Variants in NRXN1 observed in about 807,000 individuals in gnomAD.
NRXN1 encodes the protein neurexin-1.
A neutral mutation model predicts 150.9 loss-of-function variants in NRXN1; 39 were observed. That is an observed-to-expected ratio of 0.26 (90% CI 0.20 to 0.34). The LOEUF (loss-of-function observed/expected upper bound fraction) is 0.34. Ranked by LOEUF, NRXN1 falls within the 10% of genes least tolerant of loss-of-function variation. The probability of loss-of-function intolerance (pLI) is 1.00; values close to 1 mark genes in which losing one functional copy is unlikely to be tolerated. For synonymous variants in NRXN1, 924 were observed against 757.0 expected (o/e 1.22, Z -3.62); for missense variants, 1,815 against 1,949.9 (o/e 0.93, Z 1.30).
At chr2:50,138,981 G>A (rs1397353048) in intron 18 of NRXN1, among the ~76,000 whole-genome samples, 5 of 152,270 alleles carry the variant, frequency 3.3e-5, no homozygotes, top group Middle Eastern at 3.4e-3. Flanking sequence ...AAAGGTAAAG[G>A]TTTATTTTGT....
intron 5 of NRXN1, among the ~76,000 whole-genome samples, chr2:50,877,627 C>G (rs557942383): frequency 3.9e-5 from 6 of 151,902 alleles, no homozygotes; most frequent in Non-Finnish European, 8.8e-5. Flanking sequence ...CCTGCTAAAT[C>G]TGAAGGTTTC....
At chr2:50,675,614 T>C (rs1479681471) in intron 5 of NRXN1, among the ~76,000 whole-genome samples, 2 of 152,158 alleles carry the variant, frequency 1.3e-5, no homozygotes, top group Admixed American at 6.6e-5. Flanking sequence ...CAATGCAATG[T>C]AAACAAACAA....
chr2:50,801,572 T>A (rs1015310570), intron 5 of NRXN1, among the ~76,000 whole-genome samples: 4 of 152,142 alleles, frequency 2.6e-5, no homozygotes, highest in Non-Finnish European at 5.9e-5. Flanking sequence ...AGCTTTGATA[T>A]TTAAAAATAA....
rs180797091 is a variant in NRXN1, at chr2:50,376,052, C to T, written c.3364+89390G>A. ...ACATAAATACATATATATATACACA[C>T]ACACACACACACACACATATTGACT... On this transcript the variant is annotated intron_variant, in intron 17 of 22. Coordinates refer to ENST00000401669, the MANE Select transcript of NRXN1 (RefSeq NM_001330078.2). Among the ~76,000 whole-genome samples, 18 of 128,412 alleles carry T rather than the reference C, an allele frequency of 1.4e-4. No homozygotes were observed. The East Asian group carries it at 3.5e-3, about 25-fold the overall frequency. The allele number at this position is 128,412 out of a possible 152,430, so 84.2% of individuals were successfully genotyped here. A position where few individuals can be genotyped will look rare whatever the true frequency, so the allele number is the denominator to read the frequency against.
At chr2:50,654,790 G>C (rs1264552357) in intron 5 of NRXN1, among the ~76,000 whole-genome samples, 2 of 151,972 alleles carry the variant, frequency 1.3e-5, no homozygotes, top group African/African-American at 4.8e-5. Context: ...GTGATGATGA[G>C]CATTTTCTCA....
intron 5 of NRXN1, among the ~76,000 whole-genome samples, chr2:50,913,563 G>A (rs1001598062): frequency 6.6e-6 from 1 of 151,718 alleles, no homozygotes; most frequent in African/African-American, 2.4e-5. Context: ...TAGTGTAATT[G>A]TATAGTCTAT....
At chr2:50,666,963 CGTG>C (rs1257129435) in intron 5 of NRXN1, among the ~76,000 whole-genome samples, 2 of 151,222 alleles carry the variant, frequency 1.3e-5, no homozygotes, top group African/African-American at 2.4e-5. Flanking sequence ...ACACGCATGG[CGTG>C]GTGAGAGTAT....
chr2:50,065,249 T>C (rs1384729862), intron 19 of NRXN1, among the ~76,000 whole-genome samples: 1 of 152,114 alleles, frequency 6.6e-6, no homozygotes, highest in Non-Finnish European at 1.5e-5. Context: ...ATTTTACTGA[T>C]GGAAAAACTG....
chr2:49,995,517 C>G (rs1485844841), intron 21 of NRXN1, among the ~76,000 whole-genome samples: 1 of 151,822 alleles, frequency 6.6e-6, no homozygotes, highest in African/African-American at 2.4e-5. Context: ...CGCGGTGGCT[C>G]ACGCCTCTAA....
chr2:50,499,949 A>G (rs1558838294), intron 13 of NRXN1, among the ~76,000 whole-genome samples: 1 of 132,628 alleles, frequency 7.5e-6, no homozygotes, highest in Non-Finnish European at 1.7e-5. Context: ...CTCCATCTCA[A>G]AAAAAAAAAA....
chr2:50,496,199 T>A, intron 14 of NRXN1, 104 bp from the exon 15 acceptor site: 1 of 773,132 alleles, frequency 1.3e-6, no homozygotes, highest in Non-Finnish European at 2.1e-6. Flanking sequence ...GGTTCCATCC[T>A]TACTAGAAGT....
chr2:50,539,248 T>A (rs1243657022), intron 9 of NRXN1, among the ~76,000 whole-genome samples: 1 of 152,228 alleles, frequency 6.6e-6, no homozygotes, highest in South Asian at 2.1e-4. Context: ...AACAAAATAA[T>A]ACTAGTAATG....
chr2:50,705,531 T>C (rs899348887), intron 5 of NRXN1, among the ~76,000 whole-genome samples: 3 of 152,334 alleles, frequency 2.0e-5, no homozygotes, highest in Admixed American at 6.5e-5. Context: ...GATCTGGCAC[T>C]ATGAATAAGA....
chr2:50,517,238 C>T (rs1056753172), intron 12 of NRXN1, among the ~76,000 whole-genome samples: 5 of 152,052 alleles, frequency 3.3e-5, no homozygotes, highest in Admixed American at 2.0e-4. Flanking sequence ...TTATGGTAAG[C>T]TTTCAATTAT....
chr2:50,517,440 C>T (rs755452577), intron 12 of NRXN1, among the ~76,000 whole-genome samples: 3 of 151,722 alleles, frequency 2.0e-5, no homozygotes, highest in South Asian at 2.1e-4. Flanking sequence ...GATGAAATAC[C>T]CCTTGATATT....
intron 17 of NRXN1, among the ~76,000 whole-genome samples, chr2:50,322,034 CAAA>C (rs10707210): frequency 0.12 from 14,551 of 117,506 alleles, 764 homozygotes; most frequent in Non-Finnish European, 0.16. Flanking sequence ...ATTACAACAT[CAAA>C]AAAAAAAAAA....
chr2:50,895,568 G>GTTTT (rs138568275), intron 5 of NRXN1, among the ~76,000 whole-genome samples: 1 of 145,580 alleles, frequency 6.9e-6, no homozygotes, highest in Middle Eastern at 3.6e-3. Flanking sequence ...TTTTTTGGTT[G>GTTTT]TTTTTTTTGT....
intron 17 of NRXN1, among the ~76,000 whole-genome samples, chr2:50,423,941 T>C (rs1274169793): frequency 3.3e-5 from 5 of 151,938 alleles, no homozygotes; most frequent in African/African-American, 1.2e-4. Flanking sequence ...AGGTGAGATC[T>C]CCTTTGCCCA....
intron 17 of NRXN1, among the ~76,000 whole-genome samples, chr2:50,309,432 CCTCT>C (rs2074976257): frequency 2.0e-5 from 3 of 152,112 alleles, no homozygotes; most frequent in Admixed American, 1.3e-4. Flanking sequence ...GACAAAATGA[CCTCT>C]TAGGTCCCTT....
Sources: allele counts gnomAD v4.1 joint callset (sites outside exome capture counted in the v4.1 genomes callset), GRCh38; gene constraint gnomAD v4.1.1; transcripts MANE v1.5; gene names NCBI Gene and HGNC (gene_info 2026-07-23, HGNC 2026-07-21).